Variants in MUC6 observed in about 807,000 individuals in gnomAD.
The protein encoded by MUC6 is mucin 6, oligomeric mucus/gel-forming (gene/pseudogene), also known as mucin-6.
A neutral mutation model predicts 201.5 loss-of-function variants in MUC6; 188 were observed. That is an observed-to-expected ratio of 0.93 (90% CI 0.83 to 1.05). The LOEUF (loss-of-function observed/expected upper bound fraction) is 1.05. Ranked by LOEUF, MUC6 falls within the 50% of genes least tolerant of loss-of-function variation. The pLI, the probability that MUC6 is intolerant of heterozygous loss-of-function variation, is 0.00. For missense variants in MUC6, 2,706 were observed against 3,256.9 expected, an observed-to-expected ratio of 0.83 and a Z score of 4.12; for synonymous variants, 1,228 against 1,389.4, an observed-to-expected ratio of 0.88 and a Z score of 2.58.
chr11:1,031,563 C>A, intron 4 of MUC6, 44 bp downstream of exon 4: 2 of 1,536,460 alleles, frequency 1.3e-6, no homozygotes, highest in Non-Finnish European at 1.7e-6. Flanking sequence ...CCTGCCCCCC[C>A]GTGCTGCGGG....
chr11:1,030,178 T>C, intron 8 of MUC6, 35 bp downstream of exon 8: 4 of 1,541,304 alleles, frequency 2.6e-6, no homozygotes, highest in Non-Finnish European at 2.6e-6. Context: ...TCTCTAGGGG[T>C]CCCGGGGAGA....
Position 1,031,000 on chromosome 11 carries a change from C to T in MUC6, c.631G>A (p.Glu211Lys), listed in dbSNP as rs750605127. 1.1e-5 allele frequency: 17 copies of T among 1,584,106 alleles called. No homozygotes were observed. The highest frequency in any genetic ancestry group is 3.4e-4 in the Middle Eastern group (2 of 5,962). The change falls in exon 6 of 33, where the codon GAG (glutamate) becomes AAG (lysine). Residue 211 changes from glutamate to lysine, a missense_variant. Physicochemically the swap from Glu to Lys is moderately conservative, Grantham distance 56. Around this residue, in one of 10 missense-constraint regions of MUC6, gnomAD observed 1,850 missense variants for 1,958.3 expected, o/e 0.94. Transcript: ENST00000421673. ...AALQKLDDPG[E>K]ICTFQDIPST... ...GGGATGTCCTGGAAGGTGCAGATCT[C>T]GCCGGGGTCGTCCAGCTTCTGGAGG...
rs1412529125 is a variant in MUC6, at chr11:1,018,008, G to A, written c.4793C>T (p.Thr1598Ile). 1.2e-6 allele frequency: 2 copies of A among 1,613,820 alleles called. No individual in the cohort carries two copies. The highest frequency in any genetic ancestry group is 2.7e-5 in the African/African-American group (2 of 74,962). Residue 1598 changes from threonine to isoleucine, a missense_variant, in exon 31 of 33, where the codon ACC (threonine) becomes ATC (isoleucine). Thr to Ile is a moderately conservative substitution (Grantham distance 89). Around this residue, in one of 10 missense-constraint regions of MUC6, gnomAD observed 32 missense variants for 181.6 expected, o/e 0.18. Coordinates refer to ENST00000421673, the MANE Select transcript of MUC6 (RefSeq NM_005961.3). ...TGATGGGGTTGGATAGGTAGTGGTG[G>A]TCTTGAAGGATGTTGCCGTCATGGG... ...TGPMTATSFK[T>I]TTTYPTPSHP... is the part of the protein sequence containing the mutation.
At chr11:1,032,204 G>A (rs901787450) in intron 2 of MUC6, among the ~76,000 whole-genome samples, 151 bp from the exon 3 acceptor site, 2 of 152,228 alleles carry the variant, frequency 1.3e-5, no homozygotes, top group Non-Finnish European at 2.9e-5. Context: ...ATGAACCTGA[G>A]TGCTATGGTA....
rs774844165 is a variant in MUC6 at position 1,019,275 on chromosome 11, G to A, written c.4030C>T (p.Pro1344Ser). 41 of 1,613,786 alleles carry A rather than the reference G, an allele frequency of 2.5e-5. No individual in the cohort carries two copies. Among genetic ancestry groups the A allele is most frequent in the African/African-American group, 6.7e-5 (5 of 74,936 alleles). The change falls in exon 30 of 33, where the codon CCA (proline) becomes TCA (serine). Residue 1344 changes from proline to serine, a missense_variant and splice_region_variant. Pro to Ser is a moderately conservative substitution (Grantham distance 74). Coordinates refer to ENST00000421673, the MANE Select transcript of MUC6 (RefSeq NM_005961.3). ...GGCATCCCATGGCGCCATGACTTACGCAGCGTGGGGCTTGTCCCTGATGTG... is the reference window on the plus strand; with the variant it reads ...GGCATCCCATGGCGCCATGACTTACACAGCGTGGGGCTTGTCCCTGATGTG... The part of the protein sequence containing the change: ...PATSGTSPTL[P>S]KSTNQELPGT...
chr11:1,031,500 C>T (rs2133836062), intron 4 of MUC6, 107 bp downstream of exon 4: 1 of 1,484,180 alleles, frequency 6.7e-7, no homozygotes, highest in East Asian at 2.5e-5. Context: ...GGCTGCATGG[C>T]AGCCTGAGGG....
At chr11:1,030,847 G>A (rs983986419) in intron 6 of MUC6, 67 bp from the exon 7 acceptor site, 8 of 1,527,156 alleles carry the variant, frequency 5.2e-6, no homozygotes, top group Admixed American at 2.0e-5. Context: ...TGGGGAGGTC[G>A]GGCAGGGCGT....
chr11:1,018,425 G>C lies in MUC6; in HGVS notation c.4376C>G (p.Thr1459Ser), dbSNP rs767747347. The change falls in exon 31 of 33, where the codon ACT becomes AGT. Residue 1459 changes from threonine to serine, a missense_variant. Physicochemically the swap from Thr to Ser is moderately conservative, Grantham distance 58. This residue lies in a region of MUC6 where 128 missense variants were observed against 206.5 expected (regional missense o/e 0.62). Coordinates refer to ENST00000421673, the MANE Select transcript of MUC6 (RefSeq NM_005961.3). ...GTGGGTAGGGGTGATGACTGTGTGAGTACTTGGAGTCACCAAGGAGGTGGA... is the reference window on the plus strand; with the variant it reads ...GTGGGTAGGGGTGATGACTGTGTGACTACTTGGAGTCACCAAGGAGGTGGA... ...PFSTSLVTPS[T>S]HTVITPTHAQ... The C allele has an allele frequency of 6.2e-7, 1 of 1,614,090 alleles. No homozygotes were observed. Among genetic ancestry groups the C allele is most frequent in the Non-Finnish European group, 8.5e-7 (1 of 1,179,888 alleles).
rs771265255 is a variant in MUC6 at position 1,020,190 on chromosome 11, G to A, written c.3708C>T (p.Thr1236=). 43 of 1,612,140 alleles carry A rather than the reference G, an allele frequency of 2.7e-5. No individual in the cohort carries two copies. The highest frequency in any genetic ancestry group is 9.9e-5 in the South Asian group (9 of 91,010). Residue 1236 remains threonine (T), a synonymous_variant, in exon 29 of 33, where the codon ACC becomes ACT. Transcript: ENST00000421673. ...TGTGATTAGAGCTGGGTGAGGGTCC[G>A]GTGGAGCTGAGAAGCCCGATGGTGG... ...TSTTIGLLSS[T]GPSPSSNHTP...
At position 1,016,310 on chromosome 11, in the gene MUC6, G is replaced by A. The variant is rs1856608992; in HGVS notation, c.6491C>T (p.Ser2164Phe). The A allele has an allele frequency of 6.2e-7, 1 of 1,611,740 alleles. No individual in the cohort carries two copies. ...TSSPSVGTSS[S>F]FVSAPVHSTT... ...GGAGTGCACGGGGGCGGACACGAAA[G>A]AGGAAGATGTGCCAACAGAAGGCGA... Residue 2164 changes from serine to phenylalanine, a missense_variant, in exon 31 of 33, where the codon TCT (serine) becomes TTT (phenylalanine). Transcript: ENST00000421673.
chr11:1,021,252 C>T lies in MUC6; in HGVS notation c.3552G>A (p.Glu1184=). ...ACACCCCCTCCTCGTGGTCGAAGTA[C>T]TCATCCTGGGAGCAGTTGTAGCAGC... ...IEGCYNCSQD[E]YFDHEEGVCV... The change falls in exon 27 of 33, where the codon GAG becomes GAA. Residue 1184 remains glutamate, a synonymous_variant. Coordinates refer to ENST00000421673, the MANE Select transcript of MUC6 (RefSeq NM_005961.3). 1 of 1,589,416 alleles carries T rather than the reference C, an allele frequency of 6.3e-7. No homozygotes were observed.
chr11:1,028,098 C>G (rs780394650), intron 14 of MUC6, 39 bp from the exon 15 acceptor site: 2 of 1,550,688 alleles, frequency 1.3e-6, no homozygotes, highest in Non-Finnish European at 1.7e-6. Context: ...CCGGCCCCTC[C>G]CATTCCAGCT....
chr11:1,029,590 A>T lies in MUC6; in HGVS notation c.1041T>A (p.Asn347Lys), dbSNP rs769058502. 3 of 1,604,664 alleles carry T rather than the reference A, an allele frequency of 1.9e-6. No individual in the cohort carries two copies. Among genetic ancestry groups the T allele is most frequent in the Non-Finnish European group, 2.6e-6 (3 of 1,174,894 alleles). ...PEGTVLNDLSNNHTCVPVTQC... is the reference protein window; with the variant it reads ...PEGTVLNDLSKNHTCVPVTQC... The stretch of plus-strand genomic sequence containing the variant: ...GGGTGACGGGCACGCAGGTGTGGTT[A>T]TTGGAGAGGTCATTCAGGACCGTAC... Residue 347 changes from asparagine (N) to lysine (K), a missense_variant, in exon 9 of 33, where the codon AAT (asparagine) becomes AAA (lysine). By Grantham distance (94) the Asn-to-Lys change is moderately conservative (BLOSUM62 0). Transcript: ENST00000421673.
chr11:1,015,213 G>T (rs566980760), intron 31 of MUC6, among the ~76,000 whole-genome samples: 3 of 156 alleles, frequency 0.019, no homozygotes, highest in Admixed American at 0.11. Flanking sequence ...CACAGGCATG[G>T]GCCGGGAAGA....
Position 1,031,696 on chromosome 11 carries a change from T to G in MUC6, c.394A>C (p.Ile132Leu). 1 of 1,550,884 alleles carries G rather than the reference T, an allele frequency of 6.4e-7. No individual in the cohort carries two copies. Among genetic ancestry groups the G allele is most frequent in the South Asian group, 1.2e-5 (1 of 84,050 alleles). Residue 132 changes from isoleucine (I) to leucine (L), a missense_variant, in exon 4 of 33, where the codon ATC (isoleucine) becomes CTC (leucine). Physicochemically the swap from Ile to Leu is conservative, Grantham distance 5. Transcript: ENST00000421673. Reference protein sequence around the residue: ...SLPYTSNGLQITPFGQSVRLV... With the variant: ...SLPYTSNGLQLTPFGQSVRLV... Reference sequence around the variant, plus strand: ...CGCACGCTCTGGCCGAAGGGTGTGATCTGGAGTCCATTGCTGGTATAGGGC... The same window carrying G: ...CGCACGCTCTGGCCGAAGGGTGTGAGCTGGAGTCCATTGCTGGTATAGGGC...
intron 30 of MUC6, among the ~76,000 whole-genome samples, 187 bp downstream of exon 30, chr11:1,019,088 C>G (rs567044219): frequency 6.6e-6 from 1 of 152,374 alleles, no homozygotes; most frequent in Non-Finnish European, 1.5e-5. Flanking sequence ...CTCTGCTCCC[C>G]AGGCCTGCCT....
At position 1,019,346 on chromosome 11, in the gene MUC6, G is replaced by A; in HGVS notation, c.3959C>T (p.Thr1320Ile). 6.2e-7 allele frequency: 1 copy of A among 1,613,932 alleles called. No homozygotes were observed. Among genetic ancestry groups the A allele is most frequent in the Non-Finnish European group, 8.5e-7 (1 of 1,179,812 alleles). ...TGTGGTCCGTGTTGTGGACTGAGCT[G>A]TGGACGTCGTGGCTGGGCTGGCGGT... ...ASTASPATTSTAQSTTRTTMT... is the reference protein window; with the variant it reads ...ASTASPATTSIAQSTTRTTMT... Residue 1320 changes from threonine to isoleucine, a missense_variant, in exon 30 of 33, where the codon ACA becomes ATA. Thr to Ile is a moderately conservative substitution (Grantham distance 89, BLOSUM62 -1). Coordinates refer to ENST00000421673, the MANE Select transcript of MUC6 (RefSeq NM_005961.3).
In MUC6 at chr11:1,029,384, G is replaced by A. The variant is rs114392840; in HGVS notation, c.1137-18C>T. On this transcript the variant is annotated intron_variant, in intron 9 of 32. Coordinates refer to ENST00000421673, the MANE Select transcript of MUC6 (RefSeq NM_005961.3). ...TGCACCGGCTGTGGGTGGGCGTGGG[G>A]GTAGCGGCATGGTGGGCAGGGCCGC... 1.4e-3 allele frequency: 2,270 copies of A among 1,594,284 alleles called. 39 individuals are homozygous for A. The African/African-American group carries it at 0.027, about 19-fold the overall frequency.
chr11:1,023,722 CT>C, intron 25 of MUC6, 70 bp from the exon 26 acceptor site: 1 of 1,583,536 alleles, frequency 6.3e-7, no homozygotes, highest in Non-Finnish European at 8.6e-7. Context: ...GGTGGTTCCC[CT>C]GGGCATGCAT....
Sources: gnomAD v4.1 joint callset for allele counts (sites outside exome capture counted in the v4.1 genomes callset) on GRCh38, gnomAD v4.1.1 for gene constraint, gnomAD v4.1.1 regional missense constraint, MANE v1.5 for transcripts, NCBI Gene and HGNC (gene_info 2026-07-23, HGNC 2026-07-21) for gene names.